SLC35F1: variants seen among roughly 807,000 people sequenced by gnomAD.
The protein encoded by SLC35F1 is solute carrier family 35 member F1.
Under a neutral mutation model 48.7 loss-of-function variants are expected in SLC35F1, and 14 were observed. That is an observed-to-expected ratio of 0.29 (90% confidence interval 0.19 to 0.45). SLC35F1 has a LOEUF of 0.45. SLC35F1 is among the 20% of genes least tolerant of loss of function. The pLI is 1.00. For missense variants in SLC35F1, 404 were observed against 500.0 expected (o/e 0.81, Z 1.83); for synonymous variants, 190 against 202.2 (o/e 0.94, Z 0.51).
intron 1 of SLC35F1, among the ~76,000 whole-genome samples, chr6:118,074,379 A>T (rs1304136959): frequency 6.6e-6 from 1 of 152,306 alleles, no homozygotes; most frequent in Middle Eastern, 3.4e-3. Context: ...CCTGACTGTC[A>T]GGTCTGTAAA....
At chr6:118,060,874 G>A (rs571842668) in intron 1 of SLC35F1, among the ~76,000 whole-genome samples, 1 of 152,292 alleles carries the variant, frequency 6.6e-6, no homozygotes, top group South Asian at 2.1e-4. Flanking sequence ...GTCCATAGTT[G>A]CCCAATTGAG....
In SLC35F1 at chr6:118,168,929, A is replaced by G. The variant is rs546615457; in HGVS notation, c.349+14309A>G. 1.2e-4 allele frequency among the ~76,000 whole-genome samples: 19 copies of G among 152,356 alleles called. 1 individual carries two copies. The East Asian group carries it at 3.7e-3, about 29-fold the overall frequency. On this transcript the variant is annotated intron_variant, in intron 2 of 7. Coordinates refer to ENST00000360388, the MANE Select transcript of SLC35F1 (RefSeq NM_001029858.4). ...CTAGTATCTGACAGAGAACAAAGAT[A>G]TACAACAACTCACTGGGACTGTTAG...
rs1775711764 is a variant in SLC35F1, at chr6:117,907,855, C to T, written c.129C>T (p.Ser43=). The change falls in exon 1 of 8, where the codon TCC becomes TCT. Residue 43 remains serine, a synonymous_variant. Transcript: ENST00000360388. ...GSGGGGSLSA[S]SRAGVRQRIR... is the part of the protein sequence containing the mutation. The stretch of plus-strand genomic sequence containing the variant: ...GCGGCGGCGGGAGCCTGTCCGCCTC[C>T]TCCCGGGCTGGCGTGCGCCAGAGGA... 1 of 1,532,244 alleles carries T rather than the reference C, an allele frequency of 6.5e-7. No individual in the cohort carries two copies. Among genetic ancestry groups the T allele is most frequent in the South Asian group, 1.2e-5 (1 of 84,112 alleles). 94.9% of individuals were successfully genotyped at this position (1,532,244 alleles called of 1,614,324 possible).
Position 118,154,636 on chromosome 6 carries a change from C to T in SLC35F1, c.349+16C>T, listed in dbSNP as rs770218171. The T allele has an allele frequency of 4.4e-6, 7 of 1,585,168 alleles. No individual in the cohort carries two copies. The Admixed American group carries it at 5.4e-5, about 12-fold the overall frequency. Reference sequence around the variant, plus strand: ...GTCAGACAAGGTAAGCTCACAAAAGCACCAGGAATATAACTTTTACAAACA... The same window carrying T: ...GTCAGACAAGGTAAGCTCACAAAAGTACCAGGAATATAACTTTTACAAACA... On this transcript the variant is annotated intron_variant, in intron 2 of 7. Transcript: ENST00000360388.
chr6:118,127,430 G>T (rs1410075519), intron 1 of SLC35F1, among the ~76,000 whole-genome samples: 1 of 151,946 alleles, frequency 6.6e-6, no homozygotes, highest in Non-Finnish European at 1.5e-5. Context: ...AAGGATATTG[G>T]TCTAAAATTC....
intron 1 of SLC35F1, among the ~76,000 whole-genome samples, chr6:117,969,825 C>G (rs758378721): frequency 2.0e-5 from 3 of 151,936 alleles, no homozygotes; most frequent in Non-Finnish European, 2.9e-5. Flanking sequence ...TATTTTATAC[C>G]TAAATCTGTG....
chr6:118,240,150 G>T (rs1178288753), intron 3 of SLC35F1, among the ~76,000 whole-genome samples: 1 of 152,214 alleles, frequency 6.6e-6, no homozygotes, highest in Non-Finnish European at 1.5e-5. Context: ...AAATGAATCA[G>T]CCTTGCCCTA....
chr6:118,255,186 C>T (rs1163401205), intron 3 of SLC35F1, among the ~76,000 whole-genome samples: 3 of 152,302 alleles, frequency 2.0e-5, no homozygotes, highest in Non-Finnish European at 4.4e-5. Context: ...AGGAGAATAG[C>T]AGGCCTGTGA....
At chr6:118,062,543 A>G (rs988250623) in intron 1 of SLC35F1, among the ~76,000 whole-genome samples, 10 of 152,190 alleles carry the variant, frequency 6.6e-5, no homozygotes, top group African/African-American at 2.4e-4. Context: ...TATTGCAACA[A>G]AATGCTGAAC....
intron 2 of SLC35F1, among the ~76,000 whole-genome samples, chr6:118,189,778 G>A (rs1194758041): frequency 5.9e-5 from 9 of 152,176 alleles, no homozygotes; most frequent in South Asian, 4.1e-4. Context: ...AGGGGGCCTC[G>A]TGGTCAGATC....
intron 2 of SLC35F1, among the ~76,000 whole-genome samples, chr6:118,221,649 T>C (rs1038885556): frequency 4.6e-5 from 7 of 152,198 alleles, no homozygotes; most frequent in Non-Finnish European, 1.0e-4. Flanking sequence ...TTTCTTATCA[T>C]GAAAAATTTC....
At chr6:117,944,969 C>A (rs1326884103) in intron 1 of SLC35F1, among the ~76,000 whole-genome samples, 1 of 152,126 alleles carries the variant, frequency 6.6e-6, no homozygotes, top group Non-Finnish European at 1.5e-5. Context: ...AACTGAGTGC[C>A]TGCTCTGTGC....
chr6:118,154,874 C>A (rs1455140894), intron 2 of SLC35F1, among the ~76,000 whole-genome samples: 1 of 152,116 alleles, frequency 6.6e-6, no homozygotes, highest in Non-Finnish European at 1.5e-5. Flanking sequence ...CTTTTTGAAT[C>A]CCCGTTAACA....
intron 1 of SLC35F1, among the ~76,000 whole-genome samples, chr6:117,923,630 T>TATATAC (rs1775941285): frequency 1.1e-5 from 1 of 90,836 alleles, no homozygotes; most frequent in Admixed American, 1.3e-4. Flanking sequence ...TATATATACA[T>TATATAC]ATATGTACAT....
intron 2 of SLC35F1, among the ~76,000 whole-genome samples, chr6:118,163,517 T>G (rs1774271770): frequency 6.6e-6 from 1 of 152,156 alleles, no homozygotes; most frequent in African/African-American, 2.4e-5. Flanking sequence ...TCTTCCTGAT[T>G]CTTTTATTTT....
At chr6:118,209,438 C>T (rs1189126557) in intron 2 of SLC35F1, among the ~76,000 whole-genome samples, 2 of 152,154 alleles carry the variant, frequency 1.3e-5, no homozygotes, top group African/African-American at 2.4e-5. Context: ...AATTCCCACA[C>T]CTGCTTTTTA....
intron 1 of SLC35F1, among the ~76,000 whole-genome samples, chr6:118,061,586 G>GTATA (rs780630752): frequency 0.17 from 25,035 of 144,898 alleles, 2,516 homozygotes; most frequent in Middle Eastern, 0.26. Context: ...GTGTGTGTGT[G>GTATA]TGTGTATATA....
chr6:117,907,642 T>G lies in SLC35F1; in HGVS notation c.-85T>G, dbSNP rs2114789923. ...CCCGGGCCGCGGCCGCCCGGCCGGG[T>G]CCTCTGCGCGTTCCCGGGCCCGGAA... On this transcript the variant is annotated 5_prime_UTR_variant, in exon 1 of 8. Coordinates refer to ENST00000360388, the MANE Select transcript of SLC35F1 (RefSeq NM_001029858.4). 1.3e-6 allele frequency: 1 copy of G among 747,648 alleles called. No homozygotes were observed. The highest frequency in any genetic ancestry group is 1.9e-6 in the Non-Finnish European group (1 of 520,926). 46.3% of individuals were successfully genotyped at this position (747,648 alleles called of 1,614,324 possible). A position where few individuals can be genotyped will look rare whatever the true frequency, so the allele number is the denominator to read the frequency against.
intron 3 of SLC35F1, among the ~76,000 whole-genome samples, chr6:118,252,364 T>C (rs1028522443): frequency 6.6e-6 from 1 of 151,908 alleles, no homozygotes; most frequent in South Asian, 2.1e-4. Context: ...TGAGCATTCA[T>C]AGAGGGGATA....
Sources: gnomAD v4.1 joint callset for allele counts (sites outside exome capture counted in the v4.1 genomes callset) on GRCh38, gnomAD v4.1.1 for gene constraint, MANE v1.5 for transcripts, NCBI Gene and HGNC (gene_info 2026-07-23, HGNC 2026-07-21) for gene names.